Variants in STK38 observed in about 807,000 individuals in gnomAD.
STK38 encodes serine/threonine kinase 38.
Under a neutral mutation model 59.0 loss-of-function variants are expected in STK38, and 26 were observed. That is an observed-to-expected ratio of 0.44 (90% confidence interval 0.32 to 0.61). STK38 has a LOEUF of 0.61. Ranked by LOEUF, STK38 falls within the 20% of genes least tolerant of loss-of-function variation. The pLI, the probability that STK38 is intolerant of heterozygous loss-of-function variation, is 0.04. For synonymous variants in STK38, 175 were observed against 176.6 expected (o/e 0.99, Z 0.07); for missense variants, 433 against 566.0 (o/e 0.76, Z 2.38).
Position 36,507,385 on chromosome 6 carries a change from T to C in STK38, c.772+115A>G, listed in dbSNP as rs1332326116. On this transcript the variant is annotated intron_variant, in intron 8 of 13. Transcript: ENST00000229812. ...AGGCAAACCTGGGAAGGTATTTTTA[T>C]TCTCTACATACTCAAAGTGTGAGAA... The C allele has an allele frequency of 4.6e-6, 4 of 867,766 alleles. 1 individual carries two copies. In the African/African-American group the frequency reaches 6.8e-5, roughly 15 times the overall value. 53.8% of individuals were successfully genotyped at this position (867,766 alleles called of 1,614,324 possible).
Position 36,517,843 on chromosome 6 carries a change from G to A in STK38, c.391-3C>T, listed in dbSNP as rs1387787878. ...CGCTCCGCACGAATGTGGCCAACCT[G>A]GAGGTATATGCATTTGATTAATGAC... On this transcript the variant is annotated splice_region_variant and splice_polypyrimidine_tract_variant and intron_variant, in intron 5 of 13. Coordinates refer to ENST00000229812, the MANE Select transcript of STK38 (RefSeq NM_007271.4). The A allele has an allele frequency of 2.5e-6, 4 of 1,613,030 alleles. No homozygotes were observed. The African/African-American group carries it at 5.3e-5, about 22-fold the overall frequency.
rs1429701140 is a variant in STK38 at position 36,507,530 on chromosome 6, T to A, written c.742A>T (p.Asn248Tyr). The change falls in exon 8 of 14, where the codon AAT (asparagine) becomes TAT (tyrosine). Residue 248 changes from asparagine to tyrosine, a missense_variant. Asn to Tyr is a moderately radical substitution (Grantham distance 143). This residue lies in a region of STK38 where 293 missense variants were observed against 388.2 expected (regional missense o/e 0.75). Coordinates refer to ENST00000229812, the MANE Select transcript of STK38 (RefSeq NM_007271.4). ...TCACTGGGGAGGCTGTGGTTCAGAT[T>A]CCTATAAAATTCTGTCCTATGTGCT... ...KKAHRTEFYRNLNHSLPSDFT... is the reference protein window; with the variant it reads ...KKAHRTEFYRYLNHSLPSDFT... 9.9e-6 allele frequency: 16 copies of A among 1,614,032 alleles called. No individual in the cohort carries two copies. Among genetic ancestry groups the A allele is most frequent in the Non-Finnish European group, 5.9e-6 (7 of 1,180,014 alleles).
intron 6 of STK38, among the ~76,000 whole-genome samples, chr6:36,515,928 C>G (rs976656363): frequency 6.6e-6 from 1 of 152,100 alleles, no homozygotes; most frequent in Non-Finnish European, 1.5e-5. Context: ...GCTGAAATGC[C>G]AAATAAAAAT....
At chr6:36,512,956 G>C (rs1016321067) in intron 7 of STK38, among the ~76,000 whole-genome samples, 3 of 152,016 alleles carry the variant, frequency 2.0e-5, no homozygotes, top group African/African-American at 7.3e-5. Context: ...CACCGCGCCT[G>C]GCCAGCGTAA....
chr6:36,510,662 C>CT (rs1388586435), intron 7 of STK38, among the ~76,000 whole-genome samples: 8 of 152,128 alleles, frequency 5.3e-5, no homozygotes, highest in Non-Finnish European at 1.2e-4. Flanking sequence ...AATCTCTTAA[C>CT]TTTATAATTT....
rs1378935098 is a variant in STK38 at position 36,547,462 on chromosome 6, G to A, written c.-278C>T. The A allele has an allele frequency of 2.6e-5, 4 of 152,186 alleles. No homozygotes were observed. Among genetic ancestry groups the A allele is most frequent in the African/African-American group, 7.2e-5 (3 of 41,450 alleles). 9.4% of individuals were successfully genotyped at this position (152,186 alleles called of 1,614,324 possible). ...CGGAGACGGGCTGGCGCGGCAGCCCGGGGCCGAGACTACGCATGCGCGACT... is the reference window on the plus strand; with the variant it reads ...CGGAGACGGGCTGGCGCGGCAGCCCAGGGCCGAGACTACGCATGCGCGACT... On this transcript the variant is annotated 5_prime_UTR_variant, in exon 1 of 14. Transcript: ENST00000229812.
At chr6:36,539,974 G>A (rs927285798) in intron 2 of STK38, 98 bp downstream of exon 2, 178 of 1,543,866 alleles carry the variant, frequency 1.2e-4, no homozygotes, top group Non-Finnish European at 1.5e-4. Flanking sequence ...TAATAAGGCT[G>A]CTACTATTCT....
chr6:36,544,656 G>T (rs980473935), intron 1 of STK38, among the ~76,000 whole-genome samples: 15 of 152,142 alleles, frequency 9.9e-5, no homozygotes, highest in Non-Finnish European at 1.8e-4. Flanking sequence ...GGGAGAGGTA[G>T]GAGATTGCTT....
At chr6:36,512,068 C>T (rs1345136473) in intron 7 of STK38, among the ~76,000 whole-genome samples, 1 of 151,858 alleles carries the variant, frequency 6.6e-6, no homozygotes, top group Non-Finnish European at 1.5e-5. Context: ...CAAAAACAAA[C>T]AAACAAAAAA....
At chr6:36,523,498 G>C (rs1777433562) in intron 4 of STK38, among the ~76,000 whole-genome samples, 1 of 151,608 alleles carries the variant, frequency 6.6e-6, no homozygotes, top group African/African-American at 2.4e-5. Flanking sequence ...CTGACCTTGT[G>C]ATCCGCCCGC....
At chr6:36,545,093 T>C (rs1272135912) in intron 1 of STK38, among the ~76,000 whole-genome samples, 2 of 151,794 alleles carry the variant, frequency 1.3e-5, no homozygotes, top group Non-Finnish European at 2.9e-5. Context: ...AGTTGGAGAC[T>C]AGCTTGGCCA....
In STK38 at chr6:36,501,676, CAGCCTCCCAA is replaced by C. The variant is rs1466219827; in HGVS notation, c.835-1696_835-1687del. Among the ~76,000 whole-genome samples the C allele has an allele frequency of 8.6e-5, 13 of 151,950 alleles. 1 individual carries two copies. Among genetic ancestry groups the C allele is most frequent in the African/African-American group, 3.1e-4 (13 of 41,346 alleles). On this transcript the variant is annotated intron_variant, in intron 9 of 13. Transcript: ENST00000229812. ...CTGACCTCAAGTGATCCACCCACCT[CAGCCTCCCAA>C]AGTACTGGGATTACAGGAGTGAGCC...
intron 2 of STK38, among the ~76,000 whole-genome samples, chr6:36,527,207 A>AAAAAAAATATATATATATATATAT (rs60162863): frequency 8.4e-6 from 1 of 119,356 alleles, no homozygotes; most frequent in African/African-American, 3.5e-5. Flanking sequence ...AAAAAAAAAA[A>AAAAAAAATATATATATATATATAT]ATATATGTAT....
chr6:36,524,316 C>T lies in STK38; in HGVS notation c.306+25G>A, dbSNP rs1204896347. On this transcript the variant is annotated intron_variant, in intron 4 of 13. Transcript: ENST00000229812. Reference sequence around the variant, plus strand: ...TTTGAAGTTTTGCAATATTTTTCTACTTGACAAGTAGCTGTGATTTTTACC... The same window carrying T: ...TTTGAAGTTTTGCAATATTTTTCTATTTGACAAGTAGCTGTGATTTTTACC... The T allele has an allele frequency of 7.5e-6, 12 of 1,590,236 alleles. No individual in the cohort carries two copies. In the East Asian group the frequency reaches 2.7e-4, roughly 36 times the overall value.
intron 9 of STK38, among the ~76,000 whole-genome samples, chr6:36,503,273 T>C (rs1189435641): frequency 6.6e-6 from 1 of 152,214 alleles, no homozygotes; most frequent in African/African-American, 2.4e-5. Flanking sequence ...TTTTCCTTTA[T>C]GAGCTGTAGT....
chr6:36,543,726 C>T (rs1053060482), intron 1 of STK38, among the ~76,000 whole-genome samples: 3 of 152,160 alleles, frequency 2.0e-5, no homozygotes, highest in African/African-American at 7.2e-5. Flanking sequence ...ACTGCAACCT[C>T]CGCCTCCTGG....
At position 36,499,990 on chromosome 6, in the gene STK38, C is replaced by A; in HGVS notation, c.835G>T (p.Ala279Ser). The A allele has an allele frequency of 6.2e-7, 1 of 1,612,838 alleles. No individual in the cohort carries two copies. Among genetic ancestry groups the A allele is most frequent in the Non-Finnish European group, 8.5e-7 (1 of 1,178,968 alleles). The change falls in exon 10 of 14, where the codon GCC becomes TCC. Residue 279 changes from alanine to serine, a missense_variant and splice_region_variant. Ala to Ser is a moderately conservative substitution (Grantham distance 99, BLOSUM62 1). Around this residue, in one of 3 missense-constraint regions of STK38, gnomAD observed 293 missense variants for 388.2 expected, o/e 0.75. Coordinates refer to ENST00000229812, the MANE Select transcript of STK38 (RefSeq NM_007271.4). Reference protein sequence around the residue: ...ETWKRNRRQLAFSTVGTPDYI... With the variant: ...ETWKRNRRQLSFSTVGTPDYI... ...TCAGGAGTGCCTACTGTGGAGAAGG[C>A]CTGAAACATGGACCACACATCAGCG...
intron 2 of STK38, among the ~76,000 whole-genome samples, chr6:36,528,513 A>C (rs1777590993): frequency 6.6e-6 from 1 of 152,218 alleles, no homozygotes; most frequent in South Asian, 2.1e-4. Flanking sequence ...CCACTAATCA[A>C]GACAGGAAAC....
rs1778077422 is a variant in STK38 at position 36,547,420 on chromosome 6, AG to A, written c.-237del. On this transcript the variant is annotated 5_prime_UTR_variant, in exon 1 of 14. The change creates a premature stop within an existing upstream ORF in the 5' untranslated region. Transcript: ENST00000229812. ...GACGCGAGCGCTGAGGGGCCAAGGC[AG>A]CCCGGTCCCCCGCCGCGGAGACGGG... 1 of 152,274 alleles carries A rather than the reference AG, an allele frequency of 6.6e-6. No homozygotes were observed. The highest frequency in any genetic ancestry group is 2.1e-4 in the South Asian group (1 of 4,834). The allele number at this position is 152,274 out of a possible 1,614,324, so 9.4% of individuals were successfully genotyped here.
Sources: allele counts gnomAD v4.1 joint callset (sites outside exome capture counted in the v4.1 genomes callset), GRCh38; gene constraint gnomAD v4.1.1; regional missense constraint gnomAD v4.1.1; transcripts MANE v1.5; gene names NCBI Gene and HGNC (gene_info 2026-07-23, HGNC 2026-07-21).